CEP112: variants seen among roughly 807,000 people sequenced by gnomAD.
CEP112 encodes the protein centrosomal protein of 112 kDa.
In CEP112, 127 loss-of-function variants were observed where a neutral mutation model predicts 153.0. The ratio of observed to expected loss-of-function variants is 0.83; its 90% CI spans 0.72 to 0.96. The LOEUF (loss-of-function observed/expected upper bound fraction) is 0.96. Ranked by LOEUF, CEP112 falls within the 40% of genes least tolerant of loss-of-function variation. The probability of loss-of-function intolerance (pLI) is 0.00; values close to 1 mark genes in which losing one functional copy is unlikely to be tolerated. For synonymous variants in CEP112, 358 were observed against 374.4 expected (o/e 0.96, Z 0.51); for missense variants, 1,089 against 1,101.2 (o/e 0.99, Z 0.16).
intron 17 of CEP112, among the ~76,000 whole-genome samples, chr17:65,994,339 T>C (rs1379614986): frequency 1.3e-5 from 2 of 152,156 alleles, no homozygotes; most frequent in African/African-American, 4.8e-5. Flanking sequence ...TTTTTGTTGT[T>C]GTTATTGAGA....
At chr17:65,995,188 C>A (rs951467759) in intron 17 of CEP112, among the ~76,000 whole-genome samples, 1 of 151,416 alleles carries the variant, frequency 6.6e-6, no homozygotes, top group Non-Finnish European at 1.5e-5. Flanking sequence ...GGTGGGGAGG[C>A]AAGTTTTATT....
At chr17:65,802,869 A>G (rs572662194) in intron 21 of CEP112, among the ~76,000 whole-genome samples, 1 of 152,282 alleles carries the variant, frequency 6.6e-6, no homozygotes, top group East Asian at 1.9e-4. Flanking sequence ...TTTTCCCTAT[A>G]TAGTGTCGAT....
chr17:66,090,207 A>C (rs940316272), intron 8 of CEP112, among the ~76,000 whole-genome samples: 3 of 152,122 alleles, frequency 2.0e-5, no homozygotes, highest in Non-Finnish European at 1.5e-5. Flanking sequence ...TCAAAGAAGA[A>C]GACACTAATG....
chr17:65,982,661 G>C (rs904123399), intron 17 of CEP112, among the ~76,000 whole-genome samples: 2 of 152,196 alleles, frequency 1.3e-5, no homozygotes, highest in African/African-American at 4.8e-5. Context: ...GACCAATACT[G>C]AAAGCCAAGT....
chr17:66,175,984 C>A (rs1391326719), intron 3 of CEP112, among the ~76,000 whole-genome samples: 1 of 152,166 alleles, frequency 6.6e-6, no homozygotes, highest in Non-Finnish European at 1.5e-5. Context: ...TGACACAAGA[C>A]CCTCCACTCC....
chr17:66,030,091 C>T, intron 12 of CEP112, 68 bp from the exon 13 acceptor site: 2 of 1,294,010 alleles, frequency 1.5e-6, no homozygotes, highest in Non-Finnish European at 2.2e-6. Context: ...CTGTAAGAAG[C>T]TTGAGGAACA....
At chr17:65,895,426 C>T (rs937743563) in intron 20 of CEP112, among the ~76,000 whole-genome samples, 27 of 152,008 alleles carry the variant, frequency 1.8e-4, no homozygotes, top group Non-Finnish European at 3.1e-4. Context: ...CTACTACATA[C>T]TCAAACTGGA....
intron 24 of CEP112, among the ~76,000 whole-genome samples, chr17:65,643,188 G>A (rs1182835026): frequency 1.3e-5 from 2 of 152,212 alleles, no homozygotes; most frequent in East Asian, 3.8e-4. Context: ...TTGCTCATAG[G>A]TGAGCTTGAT....
Position 65,902,141 on chromosome 17 carries a change from T to A in CEP112, c.2163+11A>T. The A allele has an allele frequency of 6.3e-7, 1 of 1,598,540 alleles. No individual in the cohort carries two copies. The highest frequency in any genetic ancestry group is 8.6e-7 in the Non-Finnish European group (1 of 1,169,462). ...CAGATACCCGTTTTATCAAATATTA[T>A]TGATAATTACCTGTGCATCTCGTTT... On this transcript the variant is annotated intron_variant, in intron 20 of 26. Transcript: ENST00000535342.
At chr17:66,108,884 A>T (rs2068896155) in intron 6 of CEP112, among the ~76,000 whole-genome samples, 1 of 152,196 alleles carries the variant, frequency 6.6e-6, no homozygotes, top group Non-Finnish European at 1.5e-5. Flanking sequence ...CAACAGATGA[A>T]TGGAAAAAGA....
intron 8 of CEP112, among the ~76,000 whole-genome samples, chr17:66,093,528 T>C (rs780873460): frequency 6.6e-6 from 1 of 151,560 alleles, no homozygotes; most frequent in Non-Finnish European, 1.5e-5. Context: ...AGCCATTTTA[T>C]ACACTGACAA....
At chr17:65,959,848 A>G (rs965180) in intron 18 of CEP112, among the ~76,000 whole-genome samples, 73,043 of 152,078 alleles carry the variant, frequency 0.48, 18,538 homozygotes, top group East Asian at 0.89. Context: ...CTCCATGCCT[A>G]ACTCACCCTT....
At chr17:65,702,468 T>G (rs1422784588) in intron 23 of CEP112, among the ~76,000 whole-genome samples, 4 of 152,198 alleles carry the variant, frequency 2.6e-5, no homozygotes, top group Non-Finnish European at 4.4e-5. Context: ...CATGGTCAAC[T>G]GTGGTCCAAA....
At chr17:65,852,694 A>G (rs1236742117) in intron 20 of CEP112, among the ~76,000 whole-genome samples, 1 of 151,828 alleles carries the variant, frequency 6.6e-6, no homozygotes, top group East Asian at 1.9e-4. Flanking sequence ...TCAAATATTC[A>G]ACATCATCAT....
intron 21 of CEP112, among the ~76,000 whole-genome samples, chr17:65,813,580 T>C (rs772530978): frequency 1.3e-5 from 2 of 152,224 alleles, no homozygotes; most frequent in Non-Finnish European, 2.9e-5. Flanking sequence ...ATCTTGGTTC[T>C]GCAACTTGTA....
intron 23 of CEP112, among the ~76,000 whole-genome samples, chr17:65,735,116 G>C (rs1028434075): frequency 6.6e-6 from 1 of 152,116 alleles, no homozygotes; most frequent in Non-Finnish European, 1.5e-5. Context: ...TTGTGAGGCT[G>C]TCAGGCTCAC....
chr17:65,866,575 G>T (rs1448598184), intron 20 of CEP112, among the ~76,000 whole-genome samples: 1 of 152,188 alleles, frequency 6.6e-6, no homozygotes, highest in African/African-American at 2.4e-5. Flanking sequence ...TTCTCGGCCT[G>T]CCATAGCCAT....
chr17:65,807,015 T>C (rs576805725), intron 21 of CEP112, among the ~76,000 whole-genome samples: 9 of 152,220 alleles, frequency 5.9e-5, no homozygotes, highest in East Asian at 5.8e-4. Flanking sequence ...TGGAACCTCA[T>C]AGAGATTTGT....
intron 17 of CEP112, among the ~76,000 whole-genome samples, chr17:65,962,616 C>A (rs1258497526): frequency 6.6e-6 from 1 of 152,162 alleles, no homozygotes; most frequent in Non-Finnish European, 1.5e-5. Context: ...GGCTCTGTGT[C>A]CCCACCCACA....
Sources: gnomAD v4.1 joint callset for allele counts (sites outside exome capture counted in the v4.1 genomes callset) on GRCh38, gnomAD v4.1.1 for gene constraint, MANE v1.5 for transcripts, NCBI Gene and HGNC (gene_info 2026-07-23, HGNC 2026-07-21) for gene names.